The following DLC1 variants were observed in gnomAD, a reference collection of about 807,000 sequenced individuals.
DLC1 encodes the protein DLC1 Rho GTPase activating protein.
DLC1 carries 54 observed loss-of-function variants against 140.3 expected under a neutral mutation model. The observed-to-expected ratio is 0.38, with a 90% CI of 0.31 to 0.48. The LOEUF (loss-of-function observed/expected upper bound fraction) is 0.48. Among genes scored for constraint, DLC1 ranks in the 20% least tolerant of loss-of-function variants. The pLI is 0.96. For missense variants in DLC1, 2,536 were observed against 1,907.0 expected (o/e 1.33, Z -6.14); for synonymous variants, 986 against 728.1 (o/e 1.35, Z -5.70).
chr8:13,293,373 T>C (rs1156304722), intron 5 of DLC1, among the ~76,000 whole-genome samples: 1 of 152,228 alleles, frequency 6.6e-6, no homozygotes, highest in Non-Finnish European at 1.5e-5. Context: ...ACGATGGCAC[T>C]GATTTATAAG....
chr8:13,594,096 G>T (rs1805608520), intron 1 of DLC1, among the ~76,000 whole-genome samples: 1 of 152,008 alleles, frequency 6.6e-6, no homozygotes, highest in Non-Finnish European at 1.5e-5. Flanking sequence ...AGGAAGTTGA[G>T]GCTGCAGTGA....
chr8:13,519,941 T>G (rs191418083), intron 1 of DLC1, among the ~76,000 whole-genome samples: 1 of 152,306 alleles, frequency 6.6e-6, no homozygotes, highest in African/African-American at 2.4e-5. Flanking sequence ...TCATGCCAGT[T>G]AGAATGGCAA....
At chr8:13,412,931 CAAAAAA>C (rs771025112) in intron 2 of DLC1, among the ~76,000 whole-genome samples, 1 of 94,008 alleles carries the variant, frequency 1.1e-5, no homozygotes, top group Non-Finnish European at 1.9e-5. Context: ...GACTCCATCT[CAAAAAA>C]AAAAAAAAAA....
At chr8:13,390,105 A>G (rs1317804739) in intron 4 of DLC1, among the ~76,000 whole-genome samples, 1 of 152,180 alleles carries the variant, frequency 6.6e-6, no homozygotes. Flanking sequence ...AAAATTCTTC[A>G]TTCTGATATT....
chr8:13,572,909 C>T (rs1056168042), intron 1 of DLC1, among the ~76,000 whole-genome samples: 2 of 152,152 alleles, frequency 1.3e-5, no homozygotes, highest in Admixed American at 1.3e-4. Flanking sequence ...AATCATGAAA[C>T]ATGGAATCTC....
At chr8:13,530,479 C>T (rs568770260) in intron 1 of DLC1, among the ~76,000 whole-genome samples, 92 of 152,264 alleles carry the variant, frequency 6.0e-4, no homozygotes, top group Non-Finnish European at 7.4e-5. Flanking sequence ...GAAGACATAT[C>T]TGTGTTTCTT....
intron 2 of DLC1, among the ~76,000 whole-genome samples, chr8:13,433,639 C>G (rs1474913091): frequency 6.6e-6 from 1 of 152,064 alleles, no homozygotes; most frequent in Non-Finnish European, 1.5e-5. Context: ...TGAGATTATG[C>G]AATTATAGGT....
intron 1 of DLC1, among the ~76,000 whole-genome samples, chr8:13,549,252 T>C (rs1410299617): frequency 6.6e-6 from 1 of 152,034 alleles, no homozygotes; most frequent in African/African-American, 2.4e-5. Context: ...GATACGTCCA[T>C]GAGTAATAGA....
chr8:13,276,309 C>T, intron 5 of DLC1: 1 of 1,535,654 alleles, frequency 6.5e-7, no homozygotes, highest in South Asian at 1.2e-5. Flanking sequence ...ATCCAGGGCT[C>T]TGGCCGTGGA....
chr8:13,141,928 C>G (rs1365519562), intron 5 of DLC1, among the ~76,000 whole-genome samples: 3 of 152,116 alleles, frequency 2.0e-5, no homozygotes, highest in African/African-American at 7.2e-5. Flanking sequence ...GTGTCCCCAC[C>G]CAAATCTCAT....
chr8:13,346,399 C>A (rs887836017), intron 4 of DLC1, among the ~76,000 whole-genome samples: 6 of 152,222 alleles, frequency 3.9e-5, no homozygotes, highest in Non-Finnish European at 5.9e-5. Flanking sequence ...GTAGGCTAGT[C>A]TGAATTTGCA....
intron 1 of DLC1, among the ~76,000 whole-genome samples, chr8:13,592,345 TTTTG>T (rs1339943674): frequency 6.6e-6 from 1 of 152,078 alleles, no homozygotes; most frequent in Non-Finnish European, 1.5e-5. Flanking sequence ...TAAATTTGTA[TTTTG>T]TTTGTTTCGT....
chr8:13,568,112 T>A (rs1804521240), intron 1 of DLC1: 1 of 790,264 alleles, frequency 1.3e-6, no homozygotes, highest in African/African-American at 1.8e-5. Context: ...GTAGTTGGAA[T>A]AGTTATAAAA....
At chr8:13,143,573 C>T (rs1052245058) in intron 5 of DLC1, among the ~76,000 whole-genome samples, 3 of 151,972 alleles carry the variant, frequency 2.0e-5, no homozygotes, top group South Asian at 2.1e-4. Flanking sequence ...CTTCCTCCTC[C>T]GCCTCCCAAG....
chr8:13,275,887 T>C (rs1205027833), intron 5 of DLC1, among the ~76,000 whole-genome samples: 1 of 152,152 alleles, frequency 6.6e-6, no homozygotes, highest in African/African-American at 2.4e-5. Context: ...GCTCCAAAGC[T>C]GACCCGAGAC....
At chr8:13,417,980 T>C (rs112359974) in intron 2 of DLC1, among the ~76,000 whole-genome samples, 14 of 152,350 alleles carry the variant, frequency 9.2e-5, no homozygotes, top group African/African-American at 3.4e-4. Flanking sequence ...ATGAGCATTT[T>C]TTCATGTGTC....
chr8:13,468,970 G>T (rs139892697), intron 2 of DLC1, among the ~76,000 whole-genome samples: 3 of 151,936 alleles, frequency 2.0e-5, no homozygotes, highest in Admixed American at 2.0e-4. Context: ...GCAGGCATGC[G>T]CCATCACGCT....
chr8:13,233,409 C>A (rs1029887576), intron 5 of DLC1, among the ~76,000 whole-genome samples: 1 of 149,884 alleles, frequency 6.7e-6, no homozygotes, highest in Non-Finnish European at 1.5e-5. Flanking sequence ...TTTTTACCCT[C>A]ATTTCATGAC....
chr8:13,422,923 T>C (rs1838384308), intron 2 of DLC1, among the ~76,000 whole-genome samples: 1 of 152,124 alleles, frequency 6.6e-6, no homozygotes, highest in African/African-American at 2.4e-5. Flanking sequence ...ACATTGAGCC[T>C]TGAATTTGAG....
Sources: gnomAD v4.1 joint callset for allele counts (sites outside exome capture counted in the v4.1 genomes callset) on GRCh38, gnomAD v4.1.1 for gene constraint, MANE v1.5 for transcripts, NCBI Gene and HGNC (gene_info 2026-07-23, HGNC 2026-07-21) for gene names.